DIS3L2: variants seen among roughly 807,000 people sequenced by gnomAD.
DIS3L2 encodes DIS3-like exonuclease 2.
Under a neutral mutation model 97.5 loss-of-function variants are expected in DIS3L2, and 34 were observed. The observed-to-expected ratio is 0.35, with a 90% CI of 0.27 to 0.46. DIS3L2 has a LOEUF of 0.46. Among genes scored for constraint, DIS3L2 ranks in the 20% least tolerant of loss-of-function variants. The pLI is 1.00. For synonymous variants in DIS3L2, 435 were observed against 445.2 expected, an observed-to-expected ratio of 0.98 and a Z score of 0.29; for missense variants, 1,038 against 1,146.0, an observed-to-expected ratio of 0.91 and a Z score of 1.36.
intron 6 of DIS3L2, among the ~76,000 whole-genome samples, chr2:232,095,462 C>A (rs1696978459): frequency 6.6e-6 from 1 of 152,096 alleles, no homozygotes; most frequent in Non-Finnish European, 1.5e-5. Context: ...TAACTTCATC[C>A]CCTCACTTTT....
chr2:232,053,115 T>C (rs1695454107), intron 5 of DIS3L2, among the ~76,000 whole-genome samples: 1 of 152,210 alleles, frequency 6.6e-6, no homozygotes. Flanking sequence ...TTGATTTAAT[T>C]CATGAGGAGA....
intron 14 of DIS3L2, among the ~76,000 whole-genome samples, chr2:232,301,860 A>G (rs62199216): frequency 2.2e-5 from 3 of 133,530 alleles, no homozygotes; most frequent in Non-Finnish European, 4.7e-5. Context: ...TTTTTTTTTA[A>G]TAGAAACAGT....
intron 1 of DIS3L2, among the ~76,000 whole-genome samples, chr2:231,989,416 C>T (rs577197544): frequency 6.6e-6 from 1 of 151,312 alleles, no homozygotes; most frequent in East Asian, 1.9e-4. Flanking sequence ...AAATCTTTGG[C>T]TATTAATTGA....
At chr2:232,267,619 A>G (rs183386224) in intron 13 of DIS3L2, among the ~76,000 whole-genome samples, 191 of 152,334 alleles carry the variant, frequency 1.3e-3, no homozygotes, top group South Asian at 3.7e-3. Flanking sequence ...TAGTAAAAGG[A>G]ATCATAATGC....
At chr2:232,163,368 C>A (rs1004701046) in intron 8 of DIS3L2, 91 bp from the exon 9 acceptor site, 2 of 1,380,648 alleles carry the variant, frequency 1.4e-6, no homozygotes, top group Non-Finnish European at 2.0e-6. Flanking sequence ...AGATTTTAAA[C>A]TTTCCCACTA....
chr2:232,094,706 G>A (rs1411438884), intron 6 of DIS3L2, among the ~76,000 whole-genome samples: 3 of 114,920 alleles, frequency 2.6e-5, no homozygotes, highest in East Asian at 2.5e-4. Context: ...GTGACAGAGC[G>A]AGACTCCATC....
chr2:231,985,826 C>T (rs1044107525), intron 1 of DIS3L2, among the ~76,000 whole-genome samples: 2 of 152,098 alleles, frequency 1.3e-5, no homozygotes, highest in African/African-American at 2.4e-5. Flanking sequence ...TGGATTGAGG[C>T]CTAGATAGCT....
chr2:232,081,495 T>A (rs1696394375), intron 5 of DIS3L2, among the ~76,000 whole-genome samples: 2 of 147,686 alleles, frequency 1.4e-5, no homozygotes, highest in Admixed American at 1.3e-4. Context: ...CCTTTTTTTT[T>A]TTCTTTCTTA....
intron 6 of DIS3L2, among the ~76,000 whole-genome samples, chr2:232,101,727 T>C (rs1574876343): frequency 1.3e-5 from 2 of 152,370 alleles, no homozygotes; most frequent in East Asian, 3.9e-4. Flanking sequence ...GATTCAAGGA[T>C]TCTGCTACAT....
intron 14 of DIS3L2, among the ~76,000 whole-genome samples, chr2:232,302,037 A>G (rs1234700688): frequency 6.6e-6 from 1 of 152,042 alleles, no homozygotes; most frequent in Non-Finnish European, 1.5e-5. Context: ...AAGCAATGTA[A>G]GAAGATAACT....
At chr2:232,341,042 G>T, downstream of DIS3L2, 1 of 412,170 alleles carries the variant, frequency 2.4e-6, no homozygotes, top group Non-Finnish European at 4.8e-6. Context: ...GCAAAACAAG[G>T]GCCCTTGGAG....
intron 6 of DIS3L2, among the ~76,000 whole-genome samples, chr2:232,105,095 G>A (rs993197624): frequency 1.3e-5 from 2 of 152,210 alleles, no homozygotes; most frequent in Non-Finnish European, 2.9e-5. Context: ...TGGGATTACA[G>A]ATGTGAGCCA....
chr2:232,219,491 TAA>T (rs1692435671), intron 10 of DIS3L2, among the ~76,000 whole-genome samples: 1 of 152,190 alleles, frequency 6.6e-6, no homozygotes, highest in Non-Finnish European at 1.5e-5. Context: ...TCCTGACATA[TAA>T]GTCTCATCCA....
At chr2:231,993,763 AT>A (rs555244063) in intron 1 of DIS3L2, among the ~76,000 whole-genome samples, 31,207 of 135,410 alleles carry the variant, frequency 0.23, 5,053 homozygotes, top group African/African-American at 0.49. Flanking sequence ...TTCCAACTGC[AT>A]TTTTTTTTTT....
intron 6 of DIS3L2, among the ~76,000 whole-genome samples, chr2:232,118,607 T>G (rs1033821044): frequency 5.9e-5 from 9 of 152,208 alleles, no homozygotes; most frequent in Non-Finnish European, 1.3e-4. Flanking sequence ...CTTTCCACCC[T>G]TTGAAACTAA....
At chr2:232,020,278 C>G (rs77935527) in intron 3 of DIS3L2, among the ~76,000 whole-genome samples, 1 of 152,246 alleles carries the variant, frequency 6.6e-6, no homozygotes, top group African/African-American at 2.4e-5. Context: ...ACATACCTCT[C>G]TGGGAATTGT....
At chr2:232,036,695 T>C in intron 5 of DIS3L2, among the ~76,000 whole-genome samples, 1 of 152,204 alleles carries the variant, frequency 6.6e-6, no homozygotes, top group East Asian at 1.9e-4. Context: ...GACCTTTGGA[T>C]GGAGTTTTTG....
intron 6 of DIS3L2, among the ~76,000 whole-genome samples, chr2:232,110,130 A>G (rs2342297): frequency 0.8 from 121,879 of 152,184 alleles, 49,363 homozygotes; most frequent in African/African-American, 0.9. Context: ...TTAGAGAAAT[A>G]CAAATCAGAA....
At chr2:232,218,272 A>G (rs1424623014) in intron 10 of DIS3L2, among the ~76,000 whole-genome samples, 1 of 152,238 alleles carries the variant, frequency 6.6e-6, no homozygotes, top group African/African-American at 2.4e-5. Context: ...ATATATGTCC[A>G]TGTCATGTGC....
Sources: allele counts gnomAD v4.1 joint callset (sites outside exome capture counted in the v4.1 genomes callset), GRCh38; gene constraint gnomAD v4.1.1; transcripts MANE v1.5; gene names NCBI Gene and HGNC (gene_info 2026-07-23, HGNC 2026-07-21).